Variants in PRKAG2 observed in about 807,000 individuals in gnomAD.
PRKAG2 encodes 5'-AMP-activated protein kinase subunit gamma-2.
Under a neutral mutation model 69.6 loss-of-function variants are expected in PRKAG2, and 26 were observed. The ratio of observed to expected loss-of-function variants is 0.37; its 90% confidence interval spans 0.27 to 0.52. The LOEUF is 0.52. Among genes scored for constraint, PRKAG2 ranks in the 20% least tolerant of loss-of-function variants. PRKAG2 has a pLI of 0.90. For missense variants in PRKAG2, 557 were observed against 740.0 expected (o/e 0.75, Z 2.87); for synonymous variants, 293 against 285.0 (o/e 1.03, Z -0.28).
intron 5 of PRKAG2, among the ~76,000 whole-genome samples, chr7:151,617,786 G>GA (rs1327708649): frequency 2.6e-5 from 4 of 151,718 alleles, no homozygotes; most frequent in African/African-American, 7.3e-5. Context: ...TCCCCAAACC[G>GA]AAAAAAACCC....
At chr7:151,695,290 G>A (rs1370525052) in intron 3 of PRKAG2, among the ~76,000 whole-genome samples, 6 of 152,144 alleles carry the variant, frequency 3.9e-5, no homozygotes, top group East Asian at 3.9e-4. Context: ...AAATCACACC[G>A]CCTGTCACCT....
intron 1 of PRKAG2, among the ~76,000 whole-genome samples, chr7:151,853,027 ATTCC>A (rs906942661): frequency 2.0e-5 from 3 of 152,198 alleles, no homozygotes; most frequent in African/African-American, 7.2e-5. Context: ...CCTTGAATGG[ATTCC>A]AAGGATTCCA....
intron 1 of PRKAG2, among the ~76,000 whole-genome samples, chr7:151,853,755 G>A (rs1359749968): frequency 9.5e-5 from 7 of 73,470 alleles, no homozygotes; most frequent in African/African-American, 2.8e-4. Flanking sequence ...GTGAGACTCC[G>A]TCTCAAAAAA....
Position 151,557,156 on chromosome 7 carries a change from G to C in PRKAG2, c.*45C>G. 1 of 1,614,036 alleles carries C rather than the reference G, an allele frequency of 6.2e-7. No homozygotes were observed. Among genetic ancestry groups the C allele is most frequent in the Non-Finnish European group, 8.5e-7 (1 of 1,179,958 alleles). On this transcript the variant is annotated 3_prime_UTR_variant, in exon 16 of 16. Transcript: ENST00000287878. ...TTCATGAGGCAAAACGTGACCCAGAGACTTTGTTCAAGTTCTCCTCCTAGG... is the reference window on the plus strand; with the variant it reads ...TTCATGAGGCAAAACGTGACCCAGACACTTTGTTCAAGTTCTCCTCCTAGG...
intron 6 of PRKAG2, among the ~76,000 whole-genome samples, chr7:151,578,260 G>A (rs969448148): frequency 2.0e-5 from 3 of 152,158 alleles, no homozygotes; most frequent in Admixed American, 6.5e-5. Context: ...CACAAGAATC[G>A]CTTGAACCTG....
In PRKAG2 at chr7:151,777,043, G is replaced by T. The variant is rs2076398104; in HGVS notation, c.466+4109C>A. Among the ~76,000 whole-genome samples the T allele has an allele frequency of 6.6e-6, 1 of 152,176 alleles. No individual in the cohort carries two copies. The highest frequency in any genetic ancestry group is 2.4e-5 in the African/African-American group (1 of 41,440). ...CGCAGCTGGAGCTCCTGCAGTACAG[G>T]AGATGGGTTGGGGGACTCACTCTCT... is the stretch of plus-strand genomic sequence containing the variant. On this transcript the variant is annotated intron_variant, in intron 3 of 15. Transcript: ENST00000287878. The surrounding 1 kb of genome is among the most constrained non-coding windows in gnomAD (Gnocchi z 4.3).
intron 3 of PRKAG2, among the ~76,000 whole-genome samples, chr7:151,726,924 A>C (rs1012436639): frequency 6.6e-6 from 1 of 152,192 alleles, no homozygotes; most frequent in Admixed American, 6.5e-5. Flanking sequence ...AGTATCAAAA[A>C]GGTGATACTG....
intron 3 of PRKAG2, among the ~76,000 whole-genome samples, chr7:151,704,957 G>C (rs755904269): frequency 2.0e-5 from 3 of 152,226 alleles, no homozygotes; most frequent in African/African-American, 7.2e-5. Flanking sequence ...TCCTGCCCCT[G>C]CTAGCCTCAG....
chr7:151,702,365 T>C (rs907244279), intron 3 of PRKAG2, among the ~76,000 whole-genome samples: 10 of 152,290 alleles, frequency 6.6e-5, no homozygotes, highest in African/African-American at 2.4e-4. Flanking sequence ...TTCCCTGACA[T>C]GAGAAAGTCC....
At chr7:151,598,894 C>T (rs1249649796) in intron 5 of PRKAG2, among the ~76,000 whole-genome samples, 1 of 151,758 alleles carries the variant, frequency 6.6e-6, no homozygotes, top group Non-Finnish European at 1.5e-5. Context: ...TCTTGTTGCC[C>T]AGGCTGGAGT....
At chr7:151,773,342 T>C (rs1041393309) in intron 3 of PRKAG2, among the ~76,000 whole-genome samples, 2 of 152,184 alleles carry the variant, frequency 1.3e-5, no homozygotes, top group African/African-American at 4.8e-5. Flanking sequence ...GCTATCCCAT[T>C]ATTGGTTTAT....
intron 1 of PRKAG2, among the ~76,000 whole-genome samples, chr7:151,853,322 AG>A (rs2079623590): frequency 6.6e-6 from 1 of 152,240 alleles, no homozygotes; most frequent in Non-Finnish European, 1.5e-5. Flanking sequence ...TCAAAATGAC[AG>A]GTTTGTCAGA....
chr7:151,778,405 G>A (rs1473970286), intron 3 of PRKAG2, among the ~76,000 whole-genome samples: 1 of 152,196 alleles, frequency 6.6e-6, no homozygotes, highest in Non-Finnish European at 1.5e-5. Flanking sequence ...CCATGCCTCT[G>A]TGCAGCCTGC....
At chr7:151,855,863 T>C (rs1190117548) in intron 1 of PRKAG2, among the ~76,000 whole-genome samples, 4 of 152,208 alleles carry the variant, frequency 2.6e-5, no homozygotes, top group African/African-American at 9.7e-5. Flanking sequence ...AAAGCTGAGC[T>C]CCATGATGCT....
At chr7:151,761,855 C>T in intron 3 of PRKAG2, among the ~76,000 whole-genome samples, 1 of 152,198 alleles carries the variant, frequency 6.6e-6, no homozygotes, top group East Asian at 1.9e-4. Flanking sequence ...TCCTCATGGC[C>T]CTAGAAACCA....
intron 6 of PRKAG2, among the ~76,000 whole-genome samples, chr7:151,576,702 T>G (rs1809031291): frequency 6.6e-6 from 1 of 152,104 alleles, no homozygotes; most frequent in Admixed American, 6.6e-5. Context: ...GGTTTCACCA[T>G]GTTGGCTAAG....
intron 3 of PRKAG2, among the ~76,000 whole-genome samples, chr7:151,764,205 A>G (rs1451660281): frequency 1.3e-5 from 2 of 152,130 alleles, no homozygotes; most frequent in Non-Finnish European, 2.9e-5. Flanking sequence ...GGTGATGGAA[A>G]CATCTGTGCA....
chr7:151,644,571 T>G (rs1483825978), intron 4 of PRKAG2, among the ~76,000 whole-genome samples: 3 of 152,184 alleles, frequency 2.0e-5, no homozygotes, highest in Non-Finnish European at 4.4e-5. Flanking sequence ...TAGACCCCAT[T>G]TTGTCTATTC....
intron 15 of PRKAG2, 174 bp downstream of exon 15, chr7:151,560,350 G>T: frequency 1.3e-6 from 2 of 1,521,914 alleles, no homozygotes; most frequent in Non-Finnish European, 8.8e-7. Flanking sequence ...CCTCACTCAC[G>T]CAGAACACTT....
Sources: allele counts gnomAD v4.1 joint callset (sites outside exome capture counted in the v4.1 genomes callset), GRCh38; gene constraint gnomAD v4.1.1; non-coding constraint Gnocchi (gnomAD v3.1); transcripts MANE v1.5; gene names NCBI Gene and HGNC (gene_info 2026-07-23, HGNC 2026-07-21).